Variants in ANO3 observed in about 807,000 individuals in gnomAD.
The protein encoded by ANO3 is anoctamin 3, also known as anoctamin-3.
A neutral mutation model predicts 144.8 loss-of-function variants in ANO3; 99 were observed. The ratio of observed to expected loss-of-function variants is 0.68; its 90% CI spans 0.58 to 0.81. ANO3 has a LOEUF of 0.81. ANO3 is among the 30% of genes least tolerant of loss of function. ANO3 has a pLI of 0.00. For missense variants in ANO3, 905 were observed against 1,202.2 expected (o/e 0.75, Z 3.66); for synonymous variants, 414 against 392.6 (o/e 1.05, Z -0.64).
chr11:26,206,610 C>T (rs1226697059), intron 1 of ANO3, among the ~76,000 whole-genome samples: 1 of 152,112 alleles, frequency 6.6e-6, no homozygotes, highest in East Asian at 1.9e-4. Context: ...ATTTCAGAAA[C>T]TGCAGAGAAA....
intron 1 of ANO3, among the ~76,000 whole-genome samples, chr11:26,435,495 C>T (rs1457754106): frequency 6.6e-6 from 1 of 151,968 alleles, no homozygotes; most frequent in Admixed American, 6.5e-5. Flanking sequence ...TGGACAATAC[C>T]CTGAAATATG....
At chr11:26,314,199 G>A (rs1356882336) in intron 1 of ANO3, among the ~76,000 whole-genome samples, 3 of 151,966 alleles carry the variant, frequency 2.0e-5, no homozygotes, top group Admixed American at 2.0e-4. Context: ...CTGAGAAGAG[G>A]GGTTATAGAG....
At chr11:26,508,008 G>A in intron 4 of ANO3, 96 bp from the exon 5 acceptor site, 5 of 1,042,130 alleles carry the variant, frequency 4.8e-6, no homozygotes, top group Non-Finnish European at 6.9e-6. Context: ...TACATTTTTT[G>A]ATATTGTATT....
intron 12 of ANO3, among the ~76,000 whole-genome samples, chr11:26,550,584 T>C (rs921226543): frequency 1.3e-5 from 2 of 152,058 alleles, no homozygotes; most frequent in Non-Finnish European, 2.9e-5. Flanking sequence ...ATCCATGTTA[T>C]CACATATGGC....
chr11:26,433,667 T>G (rs977296334), intron 1 of ANO3, among the ~76,000 whole-genome samples: 1 of 152,174 alleles, frequency 6.6e-6, no homozygotes, highest in Non-Finnish European at 1.5e-5. Context: ...AAAATGTGAT[T>G]TTTGTCTTTA....
chr11:26,344,744 T>G (rs1180741868), intron 1 of ANO3, among the ~76,000 whole-genome samples: 1 of 152,168 alleles, frequency 6.6e-6, no homozygotes, highest in East Asian at 1.9e-4. Context: ...GCTTCTCTAT[T>G]TCTCCCACAG....
At chr11:26,657,860 G>A (rs772554598) in intron 26 of ANO3, among the ~76,000 whole-genome samples, 5 of 152,104 alleles carry the variant, frequency 3.3e-5, no homozygotes, top group African/African-American at 7.2e-5. Context: ...TTCATCAAAT[G>A]TATTAATCCT....
rs75689622 is a variant in ANO3 at position 26,226,285 on chromosome 11, A to T, written c.154+36955A>T. 1.1e-3 allele frequency among the ~76,000 whole-genome samples: 172 copies of T among 152,204 alleles called. 2 individuals carry two copies. In the East Asian group the frequency reaches 0.025, roughly 22 times the overall value. On this transcript the variant is annotated intron_variant, in intron 1 of 27. Transcript: ENST00000672621. ...TGCTACCTAAATTAAATATGTGATT[A>T]TTAAATCTTGATTTATAGATACCTA...
intron 1 of ANO3, among the ~76,000 whole-genome samples, chr11:26,413,913 A>G (rs1312649981): frequency 1.3e-5 from 2 of 152,104 alleles, no homozygotes; most frequent in Non-Finnish European, 2.9e-5. Flanking sequence ...CAGTCAACAT[A>G]GTAACTATAA....
At chr11:26,203,999 G>A (rs1028265956) in intron 1 of ANO3, among the ~76,000 whole-genome samples, 1 of 152,094 alleles carries the variant, frequency 6.6e-6, no homozygotes, top group African/African-American at 2.4e-5. Context: ...GCTGGTAGAG[G>A]ATGAGAGGAA....
At chr11:26,335,266 TTGTC>T (rs1375510400) in intron 1 of ANO3, among the ~76,000 whole-genome samples, 19 of 152,334 alleles carry the variant, frequency 1.2e-4, no homozygotes, top group Non-Finnish European at 2.6e-4. Flanking sequence ...GTTTAGCAGT[TTGTC>T]TGACACACAG....
rs76929676 is a variant in ANO3, at chr11:26,641,699, A to T, written c.2142-197A>T. 0.38 allele frequency among the ~76,000 whole-genome samples: 56,993 copies of T among 151,594 alleles called. 11,551 individuals carry two copies. Among genetic ancestry groups the T allele is most frequent in the South Asian group, 0.48 (2,312 of 4,792 alleles). ...TATGCTAAAGTTTTTCAAAAGATTT[A>T]AAAAAAATTTTTTAAGATATTTAAG... On this transcript the variant is annotated intron_variant, in intron 21 of 26. Transcript: ENST00000256737.
intron 14 of ANO3, among the ~76,000 whole-genome samples, chr11:26,589,273 A>G (rs1851374843): frequency 6.6e-6 from 1 of 152,250 alleles, no homozygotes; most frequent in South Asian, 2.1e-4. Flanking sequence ...AATTTAAAAC[A>G]TATGTGAGAG....
chr11:26,286,484 A>T (rs115022852), intron 1 of ANO3, among the ~76,000 whole-genome samples: 2,867 of 152,252 alleles, frequency 0.019, 76 homozygotes, highest in African/African-American at 0.062. Flanking sequence ...TTCCCCCGTG[A>T]TTCTAATGTG....
At chr11:26,234,782 T>C (rs1203717722) in intron 1 of ANO3, among the ~76,000 whole-genome samples, 2 of 152,128 alleles carry the variant, frequency 1.3e-5, no homozygotes, top group Non-Finnish European at 2.9e-5. Context: ...GCCAATAGGA[T>C]ATACATAGAG....
At chr11:26,631,038 G>C (rs991221669) in intron 18 of ANO3, among the ~76,000 whole-genome samples, 5 of 150,786 alleles carry the variant, frequency 3.3e-5, no homozygotes, top group Non-Finnish European at 5.9e-5. Flanking sequence ...CTATTTTTGA[G>C]CCATTTTTTG....
chr11:26,542,601 G>A (rs1386823602), intron 11 of ANO3, among the ~76,000 whole-genome samples: 1 of 152,078 alleles, frequency 6.6e-6, no homozygotes. Context: ...GTGGATCTAA[G>A]AGCAAACAGA....
intron 1 of ANO3, among the ~76,000 whole-genome samples, chr11:26,200,779 G>C (rs992150894): frequency 1.3e-5 from 2 of 152,058 alleles, no homozygotes; most frequent in Non-Finnish European, 2.9e-5. Context: ...CTTGGTAATA[G>C]TGTTTCATTT....
At chr11:26,255,499 T>C (rs148151494) in intron 1 of ANO3, among the ~76,000 whole-genome samples, 1 of 152,270 alleles carries the variant, frequency 6.6e-6, no homozygotes, top group Non-Finnish European at 1.5e-5. Flanking sequence ...TACTCTACAA[T>C]GTTTTCCATA....
Sources: allele counts gnomAD v4.1 joint callset (sites outside exome capture counted in the v4.1 genomes callset), GRCh38; gene constraint gnomAD v4.1.1; transcripts MANE v1.5; gene names NCBI Gene and HGNC (gene_info 2026-07-23, HGNC 2026-07-21).